The following KASH5 variants were observed in gnomAD, a reference collection of about 807,000 sequenced individuals.
KASH5 encodes the protein KASH domain containing 5, also known as protein KASH5.
KASH5 carries 72 observed loss-of-function variants against 84.2 expected under a neutral mutation model. That is an observed-to-expected ratio of 0.85 (90% CI 0.71 to 1.04). The LOEUF (loss-of-function observed/expected upper bound fraction) is 1.04, where lower values mean the gene tolerates loss of function less well. KASH5 is among the 50% of genes least tolerant of loss of function. The pLI is 0.00. For synonymous variants in KASH5, 260 were observed against 279.1 expected, an observed-to-expected ratio of 0.93 and a Z score of 0.68; for missense variants, 650 against 701.0, an observed-to-expected ratio of 0.93 and a Z score of 0.82.
intron 9 of KASH5, among the ~76,000 whole-genome samples, chr19:49,405,468 A>G (rs965478753): frequency 2.2e-5 from 3 of 138,396 alleles, no homozygotes; most frequent in African/African-American, 7.6e-5. Flanking sequence ...AAAAAAAAAA[A>G]AAAAAAGAAA....
chr19:49,410,631 C>A (rs1006345185), intron 15 of KASH5, among the ~76,000 whole-genome samples: 3 of 151,984 alleles, frequency 2.0e-5, no homozygotes, highest in East Asian at 1.9e-4. Context: ...ATTACAGGAA[C>A]CTGCTGCCAC....
rs74942413 is a variant in KASH5, at chr19:49,414,686, G to C, written c.1329-265G>C. On this transcript the variant is annotated intron_variant, in intron 16 of 19. Transcript: ENST00000447857. The surrounding 1 kb of genome is among the most constrained non-coding windows in gnomAD (Gnocchi z 4.5). ...CATATGCAGGACACCCCCCAGGCCC[G>C]TCCGTGCTGCCTGGCCTCCCCCAGG... is the stretch of plus-strand genomic sequence containing the variant. Among the ~76,000 whole-genome samples the C allele has an allele frequency of 5.5e-5, 8 of 146,450 alleles. No individual in the cohort carries two copies. In the East Asian group the frequency reaches 1.4e-3, roughly 25 times the overall value.
Position 49,399,282 on chromosome 19 carries a change from A to G in KASH5, c.747+140A>G, listed in dbSNP as rs771345611. The G allele has an allele frequency of 4.2e-6, 4 of 958,708 alleles. No individual in the cohort carries two copies. The highest frequency in any genetic ancestry group is 6.2e-6 in the Non-Finnish European group (4 of 640,642). 59.4% of individuals were successfully genotyped at this position (958,708 alleles called of 1,614,324 possible). A position where few individuals can be genotyped will look rare whatever the true frequency, so the allele number is the denominator to read the frequency against. Reference sequence around the variant, plus strand: ...TCTCTCCAGGCCCTGCTCACCCTAGACTTTTTCAAGCTTACCTGCCATCCT... The same window carrying G: ...TCTCTCCAGGCCCTGCTCACCCTAGGCTTTTTCAAGCTTACCTGCCATCCT... On this transcript the variant is annotated intron_variant, in intron 8 of 19. Transcript: ENST00000447857. The surrounding 1 kb of genome is among the most constrained non-coding windows in gnomAD (Gnocchi z 4.4).
At chr19:49,405,041 AG>A (rs993249583) in intron 9 of KASH5, among the ~76,000 whole-genome samples, 1 of 152,190 alleles carries the variant, frequency 6.6e-6, no homozygotes, top group African/African-American at 2.4e-5. Context: ...GTCGGGGTGG[AG>A]GGGGCAGAAA....
At position 49,395,214 on chromosome 19, in the gene KASH5, A is replaced by T. The variant is rs1483646483; in HGVS notation, c.257A>T (p.Glu86Val). The T allele has an allele frequency of 6.2e-7, 1 of 1,611,702 alleles. No individual in the cohort carries two copies. The highest frequency in any genetic ancestry group is 1.3e-5 in the African/African-American group (1 of 74,904). ...GCCAACAGCCTGGACCCCAATGGGG[A>T]GGGCCCTAAGGCCACTGTGGACTTG... ...TLANSLDPNG[E>V]GPKATVDLDT... Residue 86 changes from glutamate to valine, a missense_variant, in exon 4 of 20, where the codon GAG (glutamate) becomes GTG (valine). Physicochemically the swap from Glu to Val is moderately radical, Grantham distance 121. Coordinates refer to ENST00000447857, the MANE Select transcript of KASH5 (RefSeq NM_144688.5). This position sits in a 1 kb window ranked among gnomAD's most constrained non-coding sequence, Gnocchi z 4.4.
chr19:49,415,038 C>T (rs1002666395), intron 17 of KASH5, 42 bp downstream of exon 17: 1 of 1,573,296 alleles, frequency 6.4e-7, no homozygotes, highest in African/African-American at 1.3e-5. Flanking sequence ...CCATCCACTC[C>T]ACACCCACAG....
At chr19:49,404,191 G>C (rs1240049925) in intron 9 of KASH5, among the ~76,000 whole-genome samples, 1 of 152,184 alleles carries the variant, frequency 6.6e-6, no homozygotes, top group African/African-American at 2.4e-5. Context: ...TGGAGGACTT[G>C]GAGCTGGCTG....
rs1974627877 is a variant in KASH5, at chr19:49,409,111, G to A, written c.1058+80G>A. 9 of 1,584,258 alleles carry A rather than the reference G, an allele frequency of 5.7e-6. No individual in the cohort carries two copies. The South Asian group carries it at 1.0e-4, about 18-fold the overall frequency. On this transcript the variant is annotated intron_variant, in intron 13 of 19. Coordinates refer to ENST00000447857, the MANE Select transcript of KASH5 (RefSeq NM_144688.5). The stretch of plus-strand genomic sequence containing the variant: ...ACACCCTGGCCTCCAGCCCCAAGGT[G>A]GGCAGGGAAGGGAGGCCAGCATGAG...
At chr19:49,405,138 G>T (rs1974482368) in intron 9 of KASH5, among the ~76,000 whole-genome samples, 1 of 152,066 alleles carries the variant, frequency 6.6e-6, no homozygotes, top group African/African-American at 2.4e-5. Flanking sequence ...TAAATGTAAA[G>T]AAATCTCTGA....
At chr19:49,409,093 G>A in intron 13 of KASH5, 62 bp downstream of exon 13, 1 of 1,580,384 alleles carries the variant, frequency 6.3e-7, no homozygotes, top group Non-Finnish European at 8.6e-7. Context: ...GGGACACCCT[G>A]GCCTCCAGCC....
intron 5 of KASH5, 88 bp from the exon 6 acceptor site, chr19:49,397,563 G>A: frequency 1.8e-6 from 2 of 1,141,738 alleles, no homozygotes; most frequent in Non-Finnish European, 2.6e-6. Context: ...GAGGGTGGAG[G>A]CAGATGGAGT....
intron 9 of KASH5, among the ~76,000 whole-genome samples, chr19:49,406,415 C>T (rs1230058598): frequency 4.6e-5 from 7 of 152,226 alleles, no homozygotes; most frequent in South Asian, 2.1e-4. Flanking sequence ...CTCGCTCTGT[C>T]GCCCAGGCTG....
intron 1 of KASH5, among the ~76,000 whole-genome samples, chr19:49,388,748 A>G (rs1568605623): frequency 6.6e-6 from 1 of 151,762 alleles, no homozygotes. Context: ...AAAGGAGTCC[A>G]CCAGGAAATC....
rs1166679294 is a variant in KASH5, at chr19:49,399,104, G to A, written c.709G>A (p.Glu237Lys). ...DLKTLARSLE[E>K]QNRSLLAQAR... ...GAAGACTCTGGCCAGGAGCCTGGAG[G>A]AACAGAATCGCAGCCTTCTGGCCCA... The change falls in exon 8 of 20, where the codon GAA becomes AAA. Residue 237 changes from glutamate to lysine, a missense_variant. Transcript: ENST00000447857. The surrounding 1 kb of genome is among the most constrained non-coding windows in gnomAD (Gnocchi z 4.4). 6.4e-7 allele frequency: 1 copy of A among 1,551,550 alleles called. No homozygotes were observed. The highest frequency in any genetic ancestry group is 8.7e-7 in the Non-Finnish European group (1 of 1,146,988).
intron 2 of KASH5, among the ~76,000 whole-genome samples, chr19:49,392,486 A>G (rs761601907): frequency 6.6e-6 from 1 of 152,212 alleles, no homozygotes; most frequent in African/African-American, 2.4e-5. Context: ...CTTCAGACAC[A>G]TGCTGATCCT....
rs1441248992 is a variant in KASH5, at chr19:49,412,518, T to C, written c.1270-450T>C. On this transcript the variant is annotated intron_variant, in intron 15 of 19. Transcript: ENST00000447857. This position sits in a 1 kb window ranked among gnomAD's most constrained non-coding sequence, Gnocchi z 4.6. ...TTGCTGAGGTCAAGGGCAATGCCAA[T>C]ATGTCTCTGGAGAAACCGAGAGGTA... 6.6e-6 allele frequency among the ~76,000 whole-genome samples: 1 copy of C among 152,090 alleles called. No homozygotes were observed. The highest frequency in any genetic ancestry group is 1.5e-5 in the Non-Finnish European group (1 of 68,022).
chr19:49,415,059 G>C (rs1415025402), intron 17 of KASH5, 63 bp downstream of exon 17: 2 of 1,484,004 alleles, frequency 1.3e-6, no homozygotes, highest in Non-Finnish European at 1.9e-6. Flanking sequence ...AGGCTGAGTC[G>C]TTTCAACTCT....
Position 49,409,301 on chromosome 19 carries a change from G to A in KASH5, c.1146+18G>A. 6.2e-7 allele frequency: 1 copy of A among 1,611,192 alleles called. No individual in the cohort carries two copies. Among genetic ancestry groups the A allele is most frequent in the Middle Eastern group, 1.7e-4 (1 of 6,054 alleles). Reference sequence around the variant, plus strand: ...TTCGACAGGTGGGCCTAACACCCCTGGAATAAGCTGCAGGCCACCAAGGCA... The same window carrying A: ...TTCGACAGGTGGGCCTAACACCCCTAGAATAAGCTGCAGGCCACCAAGGCA... On this transcript the variant is annotated intron_variant, in intron 14 of 19. Coordinates refer to ENST00000447857, the MANE Select transcript of KASH5 (RefSeq NM_144688.5).
intron 1 of KASH5, chr19:49,390,388 C>T (rs10414108): frequency 0.49 from 77,907 of 158,778 alleles, 19,277 homozygotes; most frequent in South Asian, 0.62. Context: ...GGGTCTCACC[C>T]GTACCCAGGA....
Sources: allele counts gnomAD v4.1 joint callset (sites outside exome capture counted in the v4.1 genomes callset), GRCh38; gene constraint gnomAD v4.1.1; non-coding constraint Gnocchi (gnomAD v3.1); transcripts MANE v1.5; gene names NCBI Gene and HGNC (gene_info 2026-07-23, HGNC 2026-07-21).